The following CADM2 variants were observed in gnomAD, a reference collection of about 807,000 sequenced individuals.
CADM2 encodes immunoglobulin superfamily member 4D.
In CADM2, 12 loss-of-function variants were observed where a neutral mutation model predicts 49.8. The ratio of observed to expected loss-of-function variants is 0.24; its 90% CI spans 0.15 to 0.39. The LOEUF is 0.39. Ranked by LOEUF, CADM2 falls within the 10% of genes least tolerant of loss-of-function variation. The pLI, the probability that CADM2 is intolerant of heterozygous loss-of-function variation, is 1.00. For missense variants in CADM2, 378 were observed against 492.3 expected (o/e 0.77, Z 2.20); for synonymous variants, 214 against 175.4 (o/e 1.22, Z -1.74).
intron 1 of CADM2, among the ~76,000 whole-genome samples, chr3:85,204,714 A>AGG: frequency 6.6e-6 from 1 of 152,260 alleles, no homozygotes; most frequent in Admixed American, 6.5e-5. Flanking sequence ...CCTGTGTTCT[A>AGG]TGTTTTGCTA....
intron 2 of CADM2, among the ~76,000 whole-genome samples, chr3:85,769,605 TAC>T (rs2069951937): frequency 1.1e-5 from 1 of 94,848 alleles, no homozygotes; most frequent in Non-Finnish European, 2.1e-5. Context: ...TACACATATA[TAC>T]ATATATACAT....
At chr3:85,225,672 T>C (rs1481873868) in intron 1 of CADM2, among the ~76,000 whole-genome samples, 2 of 152,232 alleles carry the variant, frequency 1.3e-5, no homozygotes, top group African/African-American at 4.8e-5. Flanking sequence ...CATCCTTGTC[T>C]AGTGCTGGTT....
intron 1 of CADM2, among the ~76,000 whole-genome samples, chr3:85,245,384 C>T (rs901006200): frequency 7.9e-5 from 12 of 151,754 alleles, no homozygotes; most frequent in African/African-American, 2.2e-4. Flanking sequence ...TGGTGACGGG[C>T]GCCTGTAGTA....
At chr3:85,609,545 C>T (rs975526954) in intron 1 of CADM2, among the ~76,000 whole-genome samples, 2 of 151,974 alleles carry the variant, frequency 1.3e-5, no homozygotes, top group Non-Finnish European at 2.9e-5. Flanking sequence ...AGGATAGATT[C>T]TCAAAAATGT....
At chr3:85,904,422 G>C (rs1041721801) in intron 5 of CADM2, among the ~76,000 whole-genome samples, 1 of 152,070 alleles carries the variant, frequency 6.6e-6, no homozygotes, top group African/African-American at 2.4e-5. Context: ...GTAGTCCTTC[G>C]TTGAGGAAAC....
At chr3:85,412,410 A>G (rs996800135) in intron 1 of CADM2, among the ~76,000 whole-genome samples, 42 of 152,198 alleles carry the variant, frequency 2.8e-4, no homozygotes, top group African/African-American at 8.4e-4. Context: ...GAAATTTACA[A>G]TTACAGTTTT....
chr3:85,893,327 C>A (rs1397293797), intron 5 of CADM2, among the ~76,000 whole-genome samples: 2 of 152,086 alleles, frequency 1.3e-5, no homozygotes, highest in African/African-American at 4.8e-5. Context: ...CTTCCCTACA[C>A]CTTATACAAA....
chr3:85,363,478 C>T (rs965388638), intron 1 of CADM2, among the ~76,000 whole-genome samples: 4 of 151,320 alleles, frequency 2.6e-5, no homozygotes, highest in South Asian at 2.1e-4. Flanking sequence ...CTTTCTGTAG[C>T]CACTGCTAAC....
At chr3:85,577,238 C>T (rs1488803432) in intron 1 of CADM2, among the ~76,000 whole-genome samples, 50 of 152,032 alleles carry the variant, frequency 3.3e-4, no homozygotes, top group Admixed American at 3.3e-3. Context: ...GAACGTGTCC[C>T]CCGGAGTTCA....
intron 1 of CADM2, among the ~76,000 whole-genome samples, chr3:85,379,176 A>G (rs9830814): frequency 0.099 from 15,025 of 151,928 alleles, 2,464 homozygotes; most frequent in African/African-American, 0.34. Flanking sequence ...TTGTAAACTC[A>G]TTTATGTTGA....
chr3:85,126,772 A>G (rs537864310), intron 1 of CADM2, among the ~76,000 whole-genome samples: 64 of 152,260 alleles, frequency 4.2e-4, no homozygotes, highest in African/African-American at 1.5e-3. Context: ...AAATGAGTAG[A>G]TTGATATCAT....
intron 1 of CADM2, among the ~76,000 whole-genome samples, chr3:85,118,371 T>C (rs578140844): frequency 1.3e-5 from 2 of 152,308 alleles, no homozygotes; most frequent in East Asian, 3.9e-4. Context: ...GATAAAGATA[T>C]ACCCAAAACT....
At chr3:85,740,353 A>G (rs2068331300) in intron 2 of CADM2, among the ~76,000 whole-genome samples, 1 of 152,156 alleles carries the variant, frequency 6.6e-6, no homozygotes, top group Non-Finnish European at 1.5e-5. Context: ...CTTCAGTAAT[A>G]AAGATAATGA....
At chr3:86,019,114 G>T in intron 8 of CADM2, among the ~76,000 whole-genome samples, 1 of 102,024 alleles carries the variant, frequency 9.8e-6, no homozygotes, top group Non-Finnish European at 2.0e-5. Context: ...AGTTTTCCCA[G>T]CACCATTTAT....
intron 1 of CADM2, among the ~76,000 whole-genome samples, chr3:85,654,754 C>G (rs2065146994): frequency 6.6e-6 from 1 of 152,106 alleles, no homozygotes; most frequent in South Asian, 2.1e-4. Flanking sequence ...CCACATGCTG[C>G]CTTTAGGGTT....
intron 1 of CADM2, among the ~76,000 whole-genome samples, chr3:85,678,406 T>C (rs761759601): frequency 1.2e-4 from 18 of 152,196 alleles, no homozygotes; most frequent in Non-Finnish European, 2.6e-4. Flanking sequence ...TCCAGAGCAG[T>C]GGCTTTCAAC....
At chr3:85,295,624 G>T (rs1458677188) in intron 1 of CADM2, among the ~76,000 whole-genome samples, 1 of 152,022 alleles carries the variant, frequency 6.6e-6, no homozygotes, top group East Asian at 1.9e-4. Context: ...AAAATGATGA[G>T]TTCATGTCCT....
At chr3:85,044,462 T>C (rs1365510218) in intron 1 of CADM2, among the ~76,000 whole-genome samples, 1 of 152,216 alleles carries the variant, frequency 6.6e-6, no homozygotes, top group African/African-American at 2.4e-5. Flanking sequence ...TGGAAGGATC[T>C]GTTCTCTCTG....
intron 1 of CADM2, among the ~76,000 whole-genome samples, chr3:85,605,064 T>C (rs1247910648): frequency 6.6e-6 from 1 of 152,036 alleles, no homozygotes; most frequent in African/African-American, 2.4e-5. Flanking sequence ...CTAATCCTTA[T>C]TTAATCAGCC....
Sources: allele counts gnomAD v4.1 joint callset (sites outside exome capture counted in the v4.1 genomes callset), GRCh38; gene constraint gnomAD v4.1.1; transcripts MANE v1.5; gene names NCBI Gene and HGNC (gene_info 2026-07-23, HGNC 2026-07-21).